The following TNIK variants were observed in gnomAD, a reference collection of about 807,000 sequenced individuals.
TNIK encodes the protein TRAF2 and NCK-interacting protein kinase.
TNIK carries 49 observed loss-of-function variants against 191.3 expected under a neutral mutation model. The ratio of observed to expected loss-of-function variants is 0.26; its 90% CI spans 0.20 to 0.32. The LOEUF (loss-of-function observed/expected upper bound fraction) is 0.32, where lower values mean the gene tolerates loss of function less well. Among genes scored for constraint, TNIK ranks in the 10% least tolerant of loss-of-function variants. The probability of loss-of-function intolerance (pLI) is 1.00; values close to 1 mark genes in which losing one functional copy is unlikely to be tolerated. For missense variants in TNIK, 1,155 were observed against 1,702.3 expected (o/e 0.68, Z 5.66); for synonymous variants, 594 against 600.9 (o/e 0.99, Z 0.17).
intron 3 of TNIK, among the ~76,000 whole-genome samples, chr3:171,222,985 C>G (rs1742544289): frequency 6.6e-6 from 1 of 150,590 alleles, no homozygotes; most frequent in African/African-American, 2.4e-5. Context: ...GGGTTTTTCT[C>G]TAAGTCTATT....
chr3:171,337,891 A>G (rs1757117912), intron 2 of TNIK, among the ~76,000 whole-genome samples: 1 of 152,224 alleles, frequency 6.6e-6, no homozygotes, highest in African/African-American at 2.4e-5. Flanking sequence ...AATGAGCAGA[A>G]GCCCAAACAA....
At chr3:171,104,708 CT>C (rs544084166) in intron 21 of TNIK, among the ~76,000 whole-genome samples, 7 of 151,712 alleles carry the variant, frequency 4.6e-5, no homozygotes, top group African/African-American at 1.5e-4. Context: ...AAATTTTTAG[CT>C]TTTTTTTCTC....
intron 2 of TNIK, among the ~76,000 whole-genome samples, chr3:171,252,537 A>G (rs1746361406): frequency 6.6e-6 from 1 of 152,254 alleles, no homozygotes; most frequent in Admixed American, 6.5e-5. Flanking sequence ...GGTGGGTAAC[A>G]TGCATATTAA....
intron 2 of TNIK, among the ~76,000 whole-genome samples, chr3:171,245,968 C>T (rs558161340): frequency 1.3e-5 from 2 of 151,918 alleles, no homozygotes; most frequent in East Asian, 1.9e-4. Flanking sequence ...AGATGAAGAA[C>T]GGAAGTAGAT....
chr3:171,355,546 C>T (rs1394711579), intron 2 of TNIK, among the ~76,000 whole-genome samples: 1 of 152,146 alleles, frequency 6.6e-6, no homozygotes, highest in Non-Finnish European at 1.5e-5. Context: ...AGCTTTGCCT[C>T]CACCCAAAGA....
intron 18 of TNIK, among the ~76,000 whole-genome samples, chr3:171,113,664 A>T (rs1172271165): frequency 6.6e-6 from 1 of 151,498 alleles, no homozygotes; most frequent in Non-Finnish European, 1.5e-5. Flanking sequence ...TACTACTCCC[A>T]TTAAAAATAT....
At chr3:171,431,694 C>T (rs953869346) in intron 1 of TNIK, among the ~76,000 whole-genome samples, 1 of 152,016 alleles carries the variant, frequency 6.6e-6, no homozygotes, top group East Asian at 1.9e-4. Flanking sequence ...ACACAACAAC[C>T]CTATGAAATT....
intron 2 of TNIK, among the ~76,000 whole-genome samples, chr3:171,236,990 C>A (rs1037479686): frequency 6.6e-6 from 1 of 152,140 alleles, no homozygotes; most frequent in African/African-American, 2.4e-5. Context: ...TTCATTTTGC[C>A]TAATGTATGG....
intron 4 of TNIK, among the ~76,000 whole-genome samples, chr3:171,197,849 G>C (rs1376558344): frequency 6.6e-6 from 1 of 152,200 alleles, no homozygotes; most frequent in Non-Finnish European, 1.5e-5. Flanking sequence ...GCGGTGAACA[G>C]TTAATGGGTT....
At chr3:171,092,807 T>G (rs1039495059) in intron 23 of TNIK, among the ~76,000 whole-genome samples, 1 of 152,212 alleles carries the variant, frequency 6.6e-6, no homozygotes, top group Non-Finnish European at 1.5e-5. Context: ...CTTTGCCTTT[T>G]TGGAGAGCAA....
intron 1 of TNIK, among the ~76,000 whole-genome samples, chr3:171,394,750 T>C (rs968726302): frequency 2.0e-5 from 3 of 152,260 alleles, no homozygotes; most frequent in Non-Finnish European, 4.4e-5. Flanking sequence ...TCTTAGTTTC[T>C]TTCCATTCTA....
At chr3:171,304,615 G>C (rs553318988) in intron 2 of TNIK, among the ~76,000 whole-genome samples, 2 of 152,246 alleles carry the variant, frequency 1.3e-5, no homozygotes, top group African/African-American at 2.4e-5. Flanking sequence ...CAACCCAAAT[G>C]TCCAACCATG....
intron 21 of TNIK, among the ~76,000 whole-genome samples, chr3:171,105,944 C>T (rs565575426): frequency 7.9e-5 from 12 of 152,188 alleles, no homozygotes; most frequent in South Asian, 2.1e-4. Context: ...AGCAAGGCCA[C>T]GGCACAGAGC....
intron 1 of TNIK, among the ~76,000 whole-genome samples, chr3:171,394,025 T>C (rs1719904221): frequency 1.3e-5 from 2 of 152,230 alleles, no homozygotes; most frequent in Non-Finnish European, 2.9e-5. Flanking sequence ...GCACATGCCA[T>C]GGACGAAATG....
intron 1 of TNIK, among the ~76,000 whole-genome samples, chr3:171,402,178 G>C (rs1463846248): frequency 3.3e-5 from 5 of 152,168 alleles, no homozygotes; most frequent in African/African-American, 7.2e-5. Flanking sequence ...CAGCACAAAA[G>C]ACTTAAGAAA....
chr3:171,308,274 G>A (rs1409175446), intron 2 of TNIK, among the ~76,000 whole-genome samples: 3 of 151,908 alleles, frequency 2.0e-5, no homozygotes, highest in South Asian at 2.1e-4. Context: ...AAAGACACAC[G>A]CCTACAACCA....
At chr3:171,262,165 G>C (rs1747718463) in intron 2 of TNIK, among the ~76,000 whole-genome samples, 1 of 152,112 alleles carries the variant, frequency 6.6e-6, no homozygotes, top group African/African-American at 2.4e-5. Flanking sequence ...CCTAGACCTA[G>C]AGGCTTACCT....
intron 21 of TNIK, 67 bp downstream of exon 21, chr3:171,107,116 C>G: frequency 6.5e-7 from 1 of 1,530,694 alleles, no homozygotes; most frequent in East Asian, 2.3e-5. Flanking sequence ...TTCTGAATGT[C>G]AACATTAGGA....
intron 2 of TNIK, among the ~76,000 whole-genome samples, chr3:171,318,519 A>G (rs1178052962): frequency 2.0e-5 from 3 of 152,160 alleles, no homozygotes; most frequent in Non-Finnish European, 4.4e-5. Context: ...CTTATAAGGA[A>G]ATATTGTAAA....
Sources: gnomAD v4.1 joint callset for allele counts (sites outside exome capture counted in the v4.1 genomes callset) on GRCh38, gnomAD v4.1.1 for gene constraint, MANE v1.5 for transcripts, NCBI Gene and HGNC (gene_info 2026-07-23, HGNC 2026-07-21) for gene names.